The following IL1RAPL1 variants were observed in gnomAD, a reference collection of about 807,000 sequenced individuals.
IL1RAPL1 encodes interleukin-1 receptor accessory protein-like 1.
Under a neutral mutation model 48.4 loss-of-function variants are expected in IL1RAPL1, and 3 were observed. The observed-to-expected ratio is 0.06, with a 90% CI of 0.03 to 0.16. The LOEUF (loss-of-function observed/expected upper bound fraction) is 0.16, where lower values mean the gene tolerates loss of function less well. IL1RAPL1 is among the 10% of genes least tolerant of loss of function. IL1RAPL1 has a pLI of 1.00. For missense variants in IL1RAPL1, 349 were observed against 530.6 expected, an observed-to-expected ratio of 0.66 and a Z score of 3.36; for synonymous variants, 185 against 187.7, an observed-to-expected ratio of 0.99 and a Z score of 0.12.
At chrX:28,680,041 C>T (rs1426188775) in intron 1 of IL1RAPL1, among the ~76,000 whole-genome samples, 2 of 111,487 alleles carry the variant, frequency 1.8e-5, no homozygotes, top group African/African-American at 6.5e-5. Flanking sequence ...GATCATAGAT[C>T]ATTTTGGGTA....
rs1927962652 is a variant in IL1RAPL1 at position 29,086,801 on chromosome X, T to A, written c.83-196137T>A. 6.2e-5 allele frequency among the ~76,000 whole-genome samples: 7 copies of A among 112,083 alleles called. No homozygotes were observed. In the Admixed American group the frequency reaches 6.7e-4, roughly 11 times the overall value. ...AAATAAATAATATGTAGGGAAAATA[T>A]AATAGCTATGCTGAAATATTTGGAA... On this transcript the variant is annotated intron_variant, in intron 2 of 10. Coordinates refer to ENST00000378993, the MANE Select transcript of IL1RAPL1 (RefSeq NM_014271.4).
chrX:29,720,749 G>A (rs980980041), intron 6 of IL1RAPL1, among the ~76,000 whole-genome samples: 6 of 111,075 alleles, frequency 5.4e-5, no homozygotes, highest in Non-Finnish European at 9.4e-5. Flanking sequence ...GCTTAAAGAA[G>A]TATAATAAAA....
In IL1RAPL1 at chrX:29,136,716, A is replaced by G. The variant is rs181559765; in HGVS notation, c.83-146222A>G. Among the ~76,000 whole-genome samples the G allele has an allele frequency of 3.6e-5, 4 of 111,986 alleles. No homozygotes were observed. In the Admixed American group the frequency reaches 3.8e-4, roughly 11 times the overall value. ...GCCTAGTTTCTCTGCCTGCCAGATG[A>G]GACTTTTACTAGTAACAACCTTATG... On this transcript the variant is annotated intron_variant, in intron 2 of 10. Transcript: ENST00000378993.
At position 29,090,395 on chromosome X, in the gene IL1RAPL1, T is replaced by A. The variant is rs1928063862; in HGVS notation, c.83-192543T>A. On this transcript the variant is annotated intron_variant, in intron 2 of 10. Coordinates refer to ENST00000378993, the MANE Select transcript of IL1RAPL1 (RefSeq NM_014271.4). The stretch of plus-strand genomic sequence containing the variant: ...TTAAGTAGGAGAATCCATTAAACGC[T>A]TTTTTCTAAAGCTCAAACTGAGAGG... Among the ~76,000 whole-genome samples the A allele has an allele frequency of 3.6e-5, 4 of 112,097 alleles. No individual in the cohort carries two copies. In the South Asian group the frequency reaches 1.5e-3, roughly 41 times the overall value.
rs147940333 is a variant in IL1RAPL1 at position 29,939,422 on chromosome X, A to T, written c.1058-2229A>T. 8.3e-3 allele frequency among the ~76,000 whole-genome samples: 930 copies of T among 112,318 alleles called. 11 individuals are homozygous for T. The highest frequency in any genetic ancestry group is 0.028 in the African/African-American group (875 of 30,960). On this transcript the variant is annotated intron_variant, in intron 8 of 10. Transcript: ENST00000378993. ...CTGTGGGCATAAGTTAGAATTTTAC[A>T]CAGGCTTCTGTGTATGGTGGAGTTT...
intron 2 of IL1RAPL1, among the ~76,000 whole-genome samples, chrX:28,883,418 C>T (rs1482316975): frequency 9.0e-6 from 1 of 111,572 alleles, no homozygotes; most frequent in Non-Finnish European, 1.9e-5. Context: ...CTATGTGGAG[C>T]TATAAAGCAT....
At chrX:29,283,272 G>A (rs1226736141) in intron 3 of IL1RAPL1, 55 bp downstream of exon 3, 7 of 1,088,823 alleles carry the variant, frequency 6.4e-6, no homozygotes, top group Admixed American at 2.2e-5. Context: ...CTGCTTTCTC[G>A]TACTTAAATG....
At chrX:29,036,217 C>T (rs1030581840) in intron 2 of IL1RAPL1, among the ~76,000 whole-genome samples, 2 of 112,216 alleles carry the variant, frequency 1.8e-5, no homozygotes, top group Admixed American at 9.5e-5. Flanking sequence ...AGAACACATG[C>T]CATCTTCCAC....
rs755036231 is a variant in IL1RAPL1 at position 29,064,663 on chromosome X, C to G, written c.83-218275C>G. Among the ~76,000 whole-genome samples, 319 of 111,342 alleles carry G rather than the reference C, an allele frequency of 2.9e-3. 2 individuals are homozygous for G. The highest frequency in any genetic ancestry group is 5.3e-3 in the Non-Finnish European group (283 of 53,016). ...GTGGCGCGATCTCGGCTCACGGCAA[C>G]CTCCACCTCCCGGGTTCACGCCATT... On this transcript the variant is annotated intron_variant, in intron 2 of 10. Transcript: ENST00000378993.
chrX:29,453,447 T>C (rs944808130), intron 5 of IL1RAPL1, among the ~76,000 whole-genome samples: 4 of 111,765 alleles, frequency 3.6e-5, no homozygotes, highest in Non-Finnish European at 7.5e-5. Flanking sequence ...TTTTAGCTAT[T>C]GTGTTTGTAG....
chrX:29,055,135 T>C (rs1343634180), intron 2 of IL1RAPL1, among the ~76,000 whole-genome samples: 1 of 111,959 alleles, frequency 8.9e-6, no homozygotes, highest in Non-Finnish European at 1.9e-5. Context: ...TTTTAACTCA[T>C]ACCACATTTG....
At chrX:29,866,371 G>A (rs752459256) in intron 6 of IL1RAPL1, among the ~76,000 whole-genome samples, 3 of 111,076 alleles carry the variant, frequency 2.7e-5, no homozygotes, top group Admixed American at 9.6e-5. Context: ...CAGAAAGTAC[G>A]TAGTAGAATA....
chrX:29,418,391 G>T (rs1331352520), intron 5 of IL1RAPL1, among the ~76,000 whole-genome samples: 2 of 108,698 alleles, frequency 1.8e-5, no homozygotes, highest in African/African-American at 6.7e-5. Context: ...CTCCCAAAGT[G>T]CTGGGATTAC....
intron 2 of IL1RAPL1, among the ~76,000 whole-genome samples, chrX:28,863,418 C>CTTT (rs11395764): frequency 2.3e-3 from 196 of 84,961 alleles, no homozygotes; most frequent in African/African-American, 4.1e-3. Context: ...GCCTACGGGC[C>CTTT]TTTTTTTTTT....
chrX:29,744,446 A>G (rs1190885749), intron 6 of IL1RAPL1, among the ~76,000 whole-genome samples: 1 of 112,201 alleles, frequency 8.9e-6, no homozygotes, highest in Non-Finnish European at 1.9e-5. Context: ...AATTGTTTTT[A>G]TATTCTGGTC....
chrX:29,712,992 T>A (rs1258933383), intron 6 of IL1RAPL1, among the ~76,000 whole-genome samples: 2 of 112,057 alleles, frequency 1.8e-5, no homozygotes, highest in Non-Finnish European at 3.8e-5. Flanking sequence ...TTCAAACAAA[T>A]TTTTTTAGCC....
chrX:28,663,743 TATA>T (rs200283393), intron 1 of IL1RAPL1, among the ~76,000 whole-genome samples: 13,904 of 111,414 alleles, frequency 0.12, 681 homozygotes, highest in African/African-American at 0.15. Flanking sequence ...CATATACAAA[TATA>T]ATCAAATGAT....
intron 2 of IL1RAPL1, among the ~76,000 whole-genome samples, chrX:29,152,876 AC>A (rs1408436201): frequency 8.9e-6 from 1 of 112,375 alleles, no homozygotes; most frequent in Non-Finnish European, 1.9e-5. Flanking sequence ...AATAATTCTT[AC>A]AGTAAAATAT....
chrX:29,707,416 A>G (rs1469360059), intron 6 of IL1RAPL1, among the ~76,000 whole-genome samples: 2 of 112,349 alleles, frequency 1.8e-5, no homozygotes, highest in Non-Finnish European at 3.8e-5. Flanking sequence ...CTTTTGATCC[A>G]GCATTCTCAC....
Sources: allele counts gnomAD v4.1 joint callset (sites outside exome capture counted in the v4.1 genomes callset), GRCh38; gene constraint gnomAD v4.1.1; transcripts MANE v1.5; gene names NCBI Gene and HGNC (gene_info 2026-07-23, HGNC 2026-07-21).